ELL2: variants seen among roughly 807,000 people sequenced by gnomAD.
ELL2 encodes RNA polymerase II elongation factor ELL2.
ELL2 carries 21 observed loss-of-function variants against 72.8 expected under a neutral mutation model. The ratio of observed to expected loss-of-function variants is 0.29; its 90% CI spans 0.20 to 0.42. The LOEUF is 0.42. ELL2 is among the 10% of genes least tolerant of loss of function. The pLI is 1.00. For synonymous variants in ELL2, 266 were observed against 283.2 expected (o/e 0.94, Z 0.61); for missense variants, 568 against 772.8 (o/e 0.73, Z 3.14).
intron 2 of ELL2, among the ~76,000 whole-genome samples, chr5:95,928,668 A>G (rs1750482611): frequency 6.6e-6 from 1 of 152,188 alleles, no homozygotes; most frequent in Admixed American, 6.5e-5. Flanking sequence ...GCTTTGGCTC[A>G]GTATTACCTT....
At chr5:95,947,712 A>T (rs1370262856) in intron 1 of ELL2, among the ~76,000 whole-genome samples, 1 of 152,170 alleles carries the variant, frequency 6.6e-6, no homozygotes, top group Non-Finnish European at 1.5e-5. Flanking sequence ...TGCCTCTGAA[A>T]TGTGTTACCC....
rs869036736 is a variant in ELL2, at chr5:95,950,904, GTATATATATATATATATATATATA to G, written c.148-7879_148-7856del. ...TATATATATATGTATGTATGTATGT[GTATATATATATATATATATATATA>G]TATATATATATATATATATATATAT... On this transcript the variant is annotated intron_variant, in intron 1 of 11. Transcript: ENST00000237853. 2.7e-3 allele frequency among the ~76,000 whole-genome samples: 128 copies of G among 46,622 alleles called. 3 individuals are homozygous for G. The Middle Eastern group carries it at 0.054, about 20-fold the overall frequency. 30.6% of individuals were successfully genotyped at this position (46,622 alleles called of 152,430 possible).
At chr5:95,899,305 C>T (rs1749032854) in intron 7 of ELL2, among the ~76,000 whole-genome samples, 2 of 152,184 alleles carry the variant, frequency 1.3e-5, no homozygotes, top group Admixed American at 1.3e-4. Flanking sequence ...CAATAGCCTG[C>T]ACTTATTTTA....
intron 2 of ELL2, among the ~76,000 whole-genome samples, chr5:95,924,600 T>C (rs1020403660): frequency 2.6e-5 from 4 of 152,220 alleles, no homozygotes; most frequent in Non-Finnish European, 5.9e-5. Flanking sequence ...AAACAGTTTC[T>C]TGTTCAAGAT....
At chr5:95,892,736 C>G (rs1748714106) in intron 9 of ELL2, among the ~76,000 whole-genome samples, 1 of 152,158 alleles carries the variant, frequency 6.6e-6, no homozygotes, top group Admixed American at 6.5e-5. Flanking sequence ...TCACAGACGC[C>G]TAGCAGAAAA....
At position 95,906,580 on chromosome 5, in the gene ELL2, G is replaced by A; in HGVS notation, c.684C>T (p.Leu228=). 6.2e-7 allele frequency: 1 copy of A among 1,614,034 alleles called. No homozygotes were observed. The highest frequency in any genetic ancestry group is 1.1e-5 in the South Asian group (1 of 91,062). The change falls in exon 5 of 12, where the codon CTC becomes CTT. Residue 228 remains leucine, a synonymous_variant. Transcript: ENST00000237853. ...AYKKPELLAR[L]QKDGVNQKDK... is the part of the protein sequence containing the mutation. ...CTTTTTGATTGACACCATCTTTCTG[G>A]AGTCTAGCAAGTAGCTCCGGTTTCT...
At chr5:95,912,782 T>C (rs763346156) in intron 4 of ELL2, among the ~76,000 whole-genome samples, 2 of 152,210 alleles carry the variant, frequency 1.3e-5, no homozygotes, top group African/African-American at 2.4e-5. Flanking sequence ...GAAGTACTTA[T>C]TAAAGACACT....
intron 2 of ELL2, among the ~76,000 whole-genome samples, chr5:95,940,099 A>G (rs1161422262): frequency 2.6e-5 from 4 of 152,218 alleles, no homozygotes; most frequent in East Asian, 1.9e-4. Context: ...GCTACCATAG[A>G]TATTTCCTCA....
At chr5:95,945,850 AT>A (rs1751137394) in intron 1 of ELL2, among the ~76,000 whole-genome samples, 1 of 152,104 alleles carries the variant, frequency 6.6e-6, no homozygotes, top group Non-Finnish European at 1.5e-5. Context: ...TGACCTGTAA[AT>A]TCCTGCCTAA....
At chr5:95,927,248 G>A (rs759005348) in intron 2 of ELL2, among the ~76,000 whole-genome samples, 9 of 151,154 alleles carry the variant, frequency 6.0e-5, no homozygotes, top group Non-Finnish European at 1.2e-4. Context: ...TGCAGGTACA[G>A]GCAGCAGGAT....
intron 3 of ELL2, among the ~76,000 whole-genome samples, chr5:95,916,590 G>T (rs1455204199): frequency 2.0e-5 from 3 of 152,170 alleles, no homozygotes; most frequent in Non-Finnish European, 2.9e-5. Context: ...CTGGATTTTG[G>T]GGGCAGGGAG....
At chr5:95,916,784 A>C (rs1408684467) in intron 3 of ELL2, among the ~76,000 whole-genome samples, 1 of 149,426 alleles carries the variant, frequency 6.7e-6, no homozygotes, top group Non-Finnish European at 1.5e-5. Flanking sequence ...GAATGCTGAG[A>C]GAGGGGAAGG....
At chr5:95,939,002 G>T (rs895277775) in intron 2 of ELL2, among the ~76,000 whole-genome samples, 1 of 152,120 alleles carries the variant, frequency 6.6e-6, no homozygotes, top group Non-Finnish European at 1.5e-5. Flanking sequence ...GCAGATATGG[G>T]CATTATTCAC....
chr5:95,961,235 C>A (rs1751835329), intron 1 of ELL2, among the ~76,000 whole-genome samples: 1 of 152,088 alleles, frequency 6.6e-6, no homozygotes, highest in South Asian at 2.1e-4. Flanking sequence ...GGTCATCTCA[C>A]TTCTCTTATC....
chr5:95,893,760 T>A (rs902800059), intron 9 of ELL2, among the ~76,000 whole-genome samples: 1 of 152,246 alleles, frequency 6.6e-6, no homozygotes, highest in African/African-American at 2.4e-5. Flanking sequence ...TTTGGTAATT[T>A]TTCTGAAAAT....
chr5:95,950,397 A>T (rs1431912887), intron 1 of ELL2, among the ~76,000 whole-genome samples: 2 of 152,188 alleles, frequency 1.3e-5, no homozygotes, highest in Non-Finnish European at 2.9e-5. Context: ...AGGCAAGGAG[A>T]GAGGAGGAAG....
At chr5:95,911,290 A>C (rs1749584062) in intron 4 of ELL2, among the ~76,000 whole-genome samples, 1 of 152,136 alleles carries the variant, frequency 6.6e-6, no homozygotes, top group South Asian at 2.1e-4. Context: ...AAAACAAAAA[A>C]GCCAATCAGG....
intron 1 of ELL2, among the ~76,000 whole-genome samples, chr5:95,950,438 G>A (rs538060930): frequency 6.6e-6 from 1 of 152,178 alleles, no homozygotes; most frequent in South Asian, 2.1e-4. Flanking sequence ...GCAGAAAATA[G>A]CACAAGAAAT....
At chr5:95,948,151 A>G (rs1387700834) in intron 1 of ELL2, among the ~76,000 whole-genome samples, 3 of 152,164 alleles carry the variant, frequency 2.0e-5, no homozygotes, top group African/African-American at 7.2e-5. Flanking sequence ...TAAAAATGCC[A>G]TAAGGCCGGG....
Sources: gnomAD v4.1 joint callset for allele counts (sites outside exome capture counted in the v4.1 genomes callset) on GRCh38, gnomAD v4.1.1 for gene constraint, MANE v1.5 for transcripts, NCBI Gene and HGNC (gene_info 2026-07-23, HGNC 2026-07-21) for gene names.